Variants in MCF2L2 observed in about 807,000 individuals in gnomAD.
MCF2L2 encodes MCF.2 cell line derived transforming sequence-like 2, also known as probable guanine nucleotide exchange factor MCF2L2.
MCF2L2 carries 102 observed loss-of-function variants against 150.2 expected under a neutral mutation model. The observed-to-expected ratio is 0.68, with a 90% CI of 0.58 to 0.80. The LOEUF is 0.80. MCF2L2 is among the 30% of genes least tolerant of loss of function. MCF2L2 has a pLI of 0.00. For synonymous variants in MCF2L2, 465 were observed against 491.3 expected (o/e 0.95, Z 0.71); for missense variants, 1,256 against 1,372.8 (o/e 0.91, Z 1.34).
intron 8 of MCF2L2, 107 bp downstream of exon 8, chr3:183,311,541 C>T: frequency 5.6e-6 from 7 of 1,245,348 alleles, no homozygotes; most frequent in South Asian, 3.0e-5. Flanking sequence ...CTTCCTTGGC[C>T]CCACCAAGAC....
intron 27 of MCF2L2, 168 bp from the exon 28 acceptor site, chr3:183,180,327 C>T (rs1721475571): frequency 1.8e-6 from 1 of 542,842 alleles, no homozygotes. Flanking sequence ...GGTCTGTGAT[C>T]TCCAGGCTGC....
intron 4 of MCF2L2, among the ~76,000 whole-genome samples, chr3:183,340,970 A>C (rs1730673465): frequency 6.6e-6 from 1 of 152,184 alleles, no homozygotes; most frequent in Admixed American, 6.5e-5. Context: ...TGAAATAATA[A>C]ATACTGTCTT....
At chr3:183,348,005 A>G (rs1730966507) in intron 3 of MCF2L2, among the ~76,000 whole-genome samples, 1 of 152,150 alleles carries the variant, frequency 6.6e-6, no homozygotes, top group African/African-American at 2.4e-5. Context: ...ACTCCTCAAG[A>G]ATCTAGATCC....
intron 5 of MCF2L2, among the ~76,000 whole-genome samples, chr3:183,336,193 CAT>C (rs10577056): frequency 0.26 from 39,376 of 151,762 alleles, 7,316 homozygotes; most frequent in African/African-American, 0.53. Flanking sequence ...TCTAAGTAAA[CAT>C]AAATATATAA....
At chr3:183,214,199 G>A (rs950258292) in intron 22 of MCF2L2, among the ~76,000 whole-genome samples, 4 of 152,108 alleles carry the variant, frequency 2.6e-5, no homozygotes, top group East Asian at 1.9e-4. Flanking sequence ...TGTCTAATAC[G>A]TAATTCAAGA....
At chr3:183,301,361 T>C (rs1728837642) in intron 10 of MCF2L2, among the ~76,000 whole-genome samples, 8 of 152,046 alleles carry the variant, frequency 5.3e-5, no homozygotes, top group Admixed American at 5.2e-4. Context: ...TATGGTATCT[T>C]AGACAGTGAT....
intron 14 of MCF2L2, among the ~76,000 whole-genome samples, chr3:183,286,728 T>C (rs1318044974): frequency 1.3e-5 from 2 of 152,234 alleles, no homozygotes; most frequent in African/African-American, 4.8e-5. Context: ...GTTCATGACT[T>C]TATGGATTCT....
chr3:183,395,745 C>A (rs1469482932), intron 1 of MCF2L2, among the ~76,000 whole-genome samples: 2 of 151,770 alleles, frequency 1.3e-5, no homozygotes, highest in African/African-American at 4.8e-5. Flanking sequence ...ATGGTAGAAC[C>A]CCGTCTCCAA....
At chr3:183,212,187 G>C (rs1722756080) in intron 22 of MCF2L2, among the ~76,000 whole-genome samples, 1 of 152,210 alleles carries the variant, frequency 6.6e-6, no homozygotes, top group Non-Finnish European at 1.5e-5. Flanking sequence ...AGCCCTCAGA[G>C]GGAACGTGGG....
chr3:183,252,703 T>A (rs186155187), intron 15 of MCF2L2, among the ~76,000 whole-genome samples: 1 of 152,240 alleles, frequency 6.6e-6, no homozygotes, highest in Non-Finnish European at 1.5e-5. Flanking sequence ...ACTCATTACC[T>A]GTCTTGTTCC....
intron 1 of MCF2L2, among the ~76,000 whole-genome samples, chr3:183,390,871 T>C (rs1217735429): frequency 6.6e-6 from 1 of 152,184 alleles, no homozygotes; most frequent in African/African-American, 2.4e-5. Flanking sequence ...CACTCCAGCC[T>C]GGACAACAGA....
intron 5 of MCF2L2, among the ~76,000 whole-genome samples, chr3:183,336,718 G>T (rs941519261): frequency 6.6e-6 from 1 of 151,786 alleles, no homozygotes; most frequent in African/African-American, 2.4e-5. Flanking sequence ...CCCAGGCGTG[G>T]TGGCGGGTGC....
At chr3:183,326,496 AAAAAAAAAAAAAAAAAAAAAC>A (rs1485346863) in intron 5 of MCF2L2, among the ~76,000 whole-genome samples, 2 of 121,410 alleles carry the variant, frequency 1.6e-5, no homozygotes, top group Admixed American at 1.6e-4. Flanking sequence ...CCGTCTCAAA[AAAAAAAAAAAAAAAAAAAAAC>A]AAAAAAAAAC....
intron 5 of MCF2L2, among the ~76,000 whole-genome samples, chr3:183,327,938 C>T (rs186933108): frequency 1.3e-5 from 2 of 152,274 alleles, no homozygotes; most frequent in African/African-American, 2.4e-5. Flanking sequence ...TTTGGTCACA[C>T]CTGAGTTTAC....
At chr3:183,402,716 TAATAA>T (rs138275102) in intron 1 of MCF2L2, among the ~76,000 whole-genome samples, 53,817 of 151,130 alleles carry the variant, frequency 0.36, 9,668 homozygotes, top group Middle Eastern at 0.41. Context: ...ATGTTAGCAC[TAATAA>T]AATAAAAAGA....
chr3:183,344,425 A>G (rs914237101), intron 3 of MCF2L2, among the ~76,000 whole-genome samples: 13 of 152,232 alleles, frequency 8.5e-5, no homozygotes, highest in Non-Finnish European at 1.3e-4. Context: ...TTAATTGGAA[A>G]TGGCCTATAA....
chr3:183,428,414 T>A lies in MCF2L2; in HGVS notation c.-437A>T. ...AGGCGGCAGGTGGCCGTGGCTTCTCTGCGCCGCCGGCCCCACGCCCCAGCG... is the reference window on the plus strand; with the variant it reads ...AGGCGGCAGGTGGCCGTGGCTTCTCAGCGCCGCCGGCCCCACGCCCCAGCG... On this transcript the variant is annotated 5_prime_UTR_variant, in exon 1 of 30. Transcript: ENST00000328913. This position sits in a 1 kb window ranked among gnomAD's most constrained non-coding sequence, Gnocchi z 5.1. The A allele has an allele frequency of 6.1e-6, 1 of 163,172 alleles. No individual in the cohort carries two copies. Among genetic ancestry groups the A allele is most frequent in the Non-Finnish European group, 1.3e-5 (1 of 76,086 alleles). The allele number at this position is 163,172 out of a possible 1,614,324, so 10.1% of individuals were successfully genotyped here.
intron 5 of MCF2L2, among the ~76,000 whole-genome samples, chr3:183,326,695 TG>T (rs1244704682): frequency 1.1e-5 from 1 of 88,092 alleles, no homozygotes; most frequent in Non-Finnish European, 2.2e-5. Flanking sequence ...ACCAGGAATT[TG>T]ATATGCTTAT....
At chr3:183,289,318 G>A (rs1727985369) in intron 13 of MCF2L2, 98 bp from the exon 14 acceptor site, 1 of 776,384 alleles carries the variant, frequency 1.3e-6, no homozygotes. Context: ...CGTCAATGTG[G>A]CTAACTATAA....
Sources: allele counts gnomAD v4.1 joint callset (sites outside exome capture counted in the v4.1 genomes callset), GRCh38; gene constraint gnomAD v4.1.1; non-coding constraint Gnocchi (gnomAD v3.1); transcripts MANE v1.5; gene names NCBI Gene and HGNC (gene_info 2026-07-23, HGNC 2026-07-21).